ZNF540: variants seen among roughly 807,000 people sequenced by gnomAD.
ZNF540 encodes the protein CTD-3064H18.6.
A neutral mutation model predicts 11.8 loss-of-function variants in ZNF540; 3 were observed. That is an observed-to-expected ratio of 0.25 (90% CI 0.12 to 0.65). The LOEUF is 0.65. Among genes scored for constraint, ZNF540 ranks in the 30% least tolerant of loss-of-function variants. The pLI is 0.83. For synonymous variants in ZNF540, 247 were observed against 259.0 expected, an observed-to-expected ratio of 0.95 and a Z score of 0.45; for missense variants, 709 against 793.1, an observed-to-expected ratio of 0.89 and a Z score of 1.27.
intron 1 of ZNF540, among the ~76,000 whole-genome samples, chr19:37,579,351 C>G (rs969490340): frequency 6.6e-6 from 1 of 152,192 alleles, no homozygotes; most frequent in African/African-American, 2.4e-5. Context: ...GACCATTTCC[C>G]CCAGGGCCTG....
At chr19:37,552,995 A>G (rs988831780) in intron 1 of ZNF540, among the ~76,000 whole-genome samples, 1 of 111,194 alleles carries the variant, frequency 9.0e-6, no homozygotes, top group Admixed American at 1.0e-4. Flanking sequence ...ATTTTGGTAT[A>G]GTGTTTGCAT....
chr19:37,609,440 A>T (rs1308654342), intron 4 of ZNF540, among the ~76,000 whole-genome samples: 1 of 151,920 alleles, frequency 6.6e-6, no homozygotes, highest in Non-Finnish European at 1.5e-5. Context: ...GCTACTTGGG[A>T]GACTGAGGCA....
intron 1 of ZNF540, among the ~76,000 whole-genome samples, chr19:37,575,058 TAAC>T (rs1187155716): frequency 6.6e-6 from 1 of 152,184 alleles, no homozygotes; most frequent in African/African-American, 2.4e-5. Flanking sequence ...TGAACAAACC[TAAC>T]AATACAACAC....
chr19:37,565,771 A>C (rs1319410482), intron 1 of ZNF540: 5 of 1,613,856 alleles, frequency 3.1e-6, no homozygotes, highest in Non-Finnish European at 4.2e-6. Context: ...AAGGTTTTTC[A>C]TTAGTATGAA....
At position 37,581,128 on chromosome 19, in the gene ZNF540, T is replaced by C. The variant is rs2043442948; in HGVS notation, c.-72-17248T>C. Among the ~76,000 whole-genome samples, 3 of 152,192 alleles carry C rather than the reference T, an allele frequency of 2.0e-5. No individual in the cohort carries two copies. The South Asian group carries it at 6.2e-4, about 32-fold the overall frequency. The stretch of plus-strand genomic sequence containing the variant: ...TGAAGCCTTAAAACGTGAGACCCCC[T>C]TGGGAAAAAGACAAGCTAAAATTTA... On this transcript the variant is annotated intron_variant, in intron 1 of 4. Coordinates refer to the ZNF540 transcript ENST00000592533.
Position 37,604,638 on chromosome 19 carries a change from T to C in ZNF540, c.232+3533T>C, listed in dbSNP as rs562897843. On this transcript the variant is annotated intron_variant, in intron 4 of 4. Coordinates refer to ENST00000316433, the MANE Select transcript of ZNF540 (RefSeq NM_001172225.3). ...ACTATTTTTTTTCAAATCAGCTTTA[T>C]TGAGATATGATTTATATAGAATAAA... is the stretch of plus-strand genomic sequence containing the variant. Among the ~76,000 whole-genome samples, 5 of 152,236 alleles carry C rather than the reference T, an allele frequency of 3.3e-5. No individual in the cohort carries two copies. The South Asian group carries it at 1.0e-3, about 32-fold the overall frequency.
intron 1 of ZNF540, chr19:37,575,937 C>T (rs1440385678): frequency 6.6e-6 from 1 of 152,154 alleles, no homozygotes; most frequent in Non-Finnish European, 1.5e-5. Context: ...ATTAACTCCA[C>T]AATCTCAAGC....
In ZNF540 at chr19:37,613,543, C is replaced by T. The variant is rs1358203702; in HGVS notation, c.*280C>T. 1 of 394,376 alleles carries T rather than the reference C, an allele frequency of 2.5e-6. No homozygotes were observed. Among genetic ancestry groups the T allele is most frequent in the Non-Finnish European group, 4.5e-6 (1 of 222,784 alleles). The allele number at this position is 394,376 out of a possible 1,614,324, so 24.4% of individuals were successfully genotyped here. A position where few individuals can be genotyped will look rare whatever the true frequency, so the allele number is the denominator to read the frequency against. On this transcript the variant is annotated 3_prime_UTR_variant, in exon 5 of 5. Coordinates refer to ENST00000316433, the MANE Select transcript of ZNF540 (RefSeq NM_001172225.3). ...TGTGTGATATTAGACAAAATATTTG[C>T]TTCTTGGTACCTCAGCTGTAAAATG...
chr19:37,612,604 A>G lies in ZNF540; in HGVS notation c.1324A>G (p.Lys442Glu). ...TACTGGAGAGAAACCATATGAATGTAAGGAATGCGGGAAAGCCTTTATGCT... is the reference window on the plus strand; with the variant it reads ...TACTGGAGAGAAACCATATGAATGTGAGGAATGCGGGAAAGCCTTTATGCT... The part of the protein sequence containing the change: ...IHTGEKPYEC[K>E]ECGKAFMLRS... Residue 442 changes from lysine (K) to glutamate (E), a missense_variant, in exon 5 of 5, where the codon AAG becomes GAG. Transcript: ENST00000316433. 1 of 1,614,128 alleles carries G rather than the reference A, an allele frequency of 6.2e-7. No homozygotes were observed. Among genetic ancestry groups the G allele is most frequent in the Non-Finnish European group, 8.5e-7 (1 of 1,180,010 alleles).
At chr19:37,564,702 G>GCTCAGAGTATACTTTGATGCT in intron 1 of ZNF540, 1 of 1,613,618 alleles carries the variant, frequency 6.2e-7, no homozygotes, top group South Asian at 1.1e-5. Flanking sequence ...ATCCTTTGAT[G>GCTCAGAGTATACTTTGATGCT]CAGAGTAAGT....
At chr19:37,574,484 C>T (rs1014345336) in intron 1 of ZNF540, among the ~76,000 whole-genome samples, 2 of 152,190 alleles carry the variant, frequency 1.3e-5, no homozygotes, top group Non-Finnish European at 2.9e-5. Context: ...CTATGCCACT[C>T]TACCTAAAAC....
chr19:37,589,846 CAG>C (rs1305505751), upstream of ZNF540, among the ~76,000 whole-genome samples: 1 of 98,764 alleles, frequency 1.0e-5, no homozygotes, highest in Non-Finnish European at 1.8e-5. Context: ...GCCTGGGCAA[CAG>C]AGCAAGACTC....
chr19:37,612,775 C>T lies in ZNF540; in HGVS notation c.1495C>T (p.Arg499Ter), dbSNP rs143541527. The T allele has an allele frequency of 7.4e-5, 120 of 1,613,702 alleles. No individual in the cohort carries two copies. Among genetic ancestry groups the T allele is most frequent in the East Asian group, 1.1e-4 (5 of 44,872 alleles). ...TGATGTGAAGCCCTACAAATGTGTA[C>T]GATGTGGGAAGACCTTTAGATTTGG... is the stretch of plus-strand genomic sequence containing the variant. ...HTDVKPYKCV[R>*]CGKTFRFGFY... Residue 499 changes from arginine (R) to a stop codon, truncating the protein, a stop_gained, in exon 5 of 5, where the codon CGA becomes TGA. Coordinates refer to ENST00000316433, the MANE Select transcript of ZNF540 (RefSeq NM_001172225.3). LOFTEE classifies it low-confidence loss of function (END_TRUNC).
chr19:37,611,543 T>C lies in ZNF540; in HGVS notation c.263T>C (p.Leu88Ser). ...GLLSRHKTKKLSSEKDIHEIS... is the reference protein window; with the variant it reads ...GLLSRHKTKKSSSEKDIHEIS... The stretch of plus-strand genomic sequence containing the variant: ...TTATCCAGGCATAAGACCAAGAAAT[T>C]ATCTTCAGAAAAGGACATTCATGAA... The change falls in exon 5 of 5, where the codon TTA (leucine) becomes TCA (serine). Residue 88 changes from leucine to serine, a missense_variant. Physicochemically the swap from Leu to Ser is moderately radical, Grantham distance 145. Coordinates refer to ENST00000316433, the MANE Select transcript of ZNF540 (RefSeq NM_001172225.3). 1.2e-6 allele frequency: 2 copies of C among 1,601,470 alleles called. No individual in the cohort carries two copies. Among genetic ancestry groups the C allele is most frequent in the East Asian group, 2.2e-5 (1 of 44,698 alleles).
At chr19:37,571,169 G>A (rs2043037238) in intron 1 of ZNF540, among the ~76,000 whole-genome samples, 1 of 152,078 alleles carries the variant, frequency 6.6e-6, no homozygotes, top group Non-Finnish European at 1.5e-5. Context: ...AACTGCCCAT[G>A]ACCACACAAC....
chr19:37,594,294 T>A (rs763966352), upstream of ZNF540: 4 of 152,008 alleles, frequency 2.6e-5, no homozygotes, highest in Non-Finnish European at 5.9e-5. Flanking sequence ...ACACGAGGAG[T>A]ACTGCGGCCC....
In ZNF540 at chr19:37,569,653, T is replaced by TGGCTCCAGTCAACCTCTCCGACTC. The variant is rs2042989328; in HGVS notation, c.-73+17989_-73+18012dup. 6.6e-5 allele frequency among the ~76,000 whole-genome samples: 10 copies of TGGCTCCAGTCAACCTCTCCGACTC among 152,332 alleles called. No individual in the cohort carries two copies. The South Asian group carries it at 1.9e-3, about 28-fold the overall frequency. On this transcript the variant is annotated intron_variant, in intron 1 of 4. Coordinates refer to the ZNF540 transcript ENST00000592533. This position sits in a 1 kb window ranked among gnomAD's most constrained non-coding sequence, Gnocchi z 4.4. ...AACCTCTAGCAGGTTCTGCCCGGCC[T>TGGCTCCAGTCAACCTCTCCGACTC]GGCTCCAGTCAACCTCTCCGACTCC...
intron 1 of ZNF540, among the ~76,000 whole-genome samples, chr19:37,553,816 A>G (rs533123336): frequency 1.3e-5 from 2 of 152,268 alleles, no homozygotes; most frequent in East Asian, 3.9e-4. Flanking sequence ...AAATATTACC[A>G]TCCCTATACT....
chr19:37,609,409 T>A (rs1202198095), intron 4 of ZNF540, among the ~76,000 whole-genome samples: 1 of 150,390 alleles, frequency 6.6e-6, no homozygotes, highest in African/African-American at 2.5e-5. Flanking sequence ...TCAGGCGTGG[T>A]GGTGGGTGCC....
Sources: gnomAD v4.1 joint callset for allele counts (sites outside exome capture counted in the v4.1 genomes callset) on GRCh38, gnomAD v4.1.1 for gene constraint, Gnocchi (gnomAD v3.1) non-coding constraint, MANE v1.5 for transcripts, NCBI Gene and HGNC (gene_info 2026-07-23, HGNC 2026-07-21) for gene names.